The following SLC35F4 variants were observed in gnomAD, a reference collection of about 807,000 sequenced individuals.
The protein encoded by SLC35F4 is chromosome 14 open reading frame 36.
SLC35F4 carries 24 observed loss-of-function variants against 44.2 expected under a neutral mutation model. That is an observed-to-expected ratio of 0.54 (90% confidence interval 0.39 to 0.76). The LOEUF (loss-of-function observed/expected upper bound fraction) is 0.76. Among genes scored for constraint, SLC35F4 ranks in the 30% least tolerant of loss-of-function variants. SLC35F4 has a pLI of 0.00. For synonymous variants in SLC35F4, 238 were observed against 223.6 expected, an observed-to-expected ratio of 1.06 and a Z score of -0.57; for missense variants, 562 against 586.1, an observed-to-expected ratio of 0.96 and a Z score of 0.42.
At chr14:57,865,573 G>C in intron 1 of SLC35F4, 150 bp downstream of exon 1, 1 of 595,112 alleles carries the variant, frequency 1.7e-6, no homozygotes, top group South Asian at 2.2e-5. Context: ...TTCTCCCCGG[G>C]GGGTCCCCGC....
intron 2 of SLC35F4, among the ~76,000 whole-genome samples, chr14:57,592,204 A>G (rs2070233928): frequency 6.6e-6 from 1 of 152,228 alleles, no homozygotes; most frequent in Non-Finnish European, 1.5e-5. Flanking sequence ...GGCCACTGGA[A>G]TTTGGAAACG....
At chr14:57,764,728 G>C (rs577443054) in intron 1 of SLC35F4, among the ~76,000 whole-genome samples, 2 of 152,266 alleles carry the variant, frequency 1.3e-5, no homozygotes, top group East Asian at 3.9e-4. Context: ...CCTTGGTTTA[G>C]AGCAAGAAAA....
chr14:57,634,614 G>A (rs374320762), intron 1 of SLC35F4, among the ~76,000 whole-genome samples: 1 of 152,130 alleles, frequency 6.6e-6, no homozygotes, highest in Non-Finnish European at 1.5e-5. Context: ...AGATAAACCT[G>A]TAAAGGCAGG....
intron 1 of SLC35F4, among the ~76,000 whole-genome samples, chr14:57,861,956 G>A (rs1887715902): frequency 6.6e-6 from 1 of 152,038 alleles, no homozygotes; most frequent in Admixed American, 6.6e-5. Context: ...CCCAAGTACT[G>A]GCAAATCCTT....
intron 1 of SLC35F4, among the ~76,000 whole-genome samples, chr14:57,962,526 T>C (rs1890358030): frequency 6.6e-6 from 1 of 152,218 alleles, no homozygotes; most frequent in African/African-American, 2.4e-5. Flanking sequence ...GAAAGTCATC[T>C]AATCCTACAG....
intron 1 of SLC35F4, among the ~76,000 whole-genome samples, chr14:57,776,467 C>A (rs2077489864): frequency 6.6e-6 from 1 of 151,960 alleles, no homozygotes; most frequent in Non-Finnish European, 1.5e-5. Flanking sequence ...GAGATCAAGA[C>A]CATCCTGGTT....
chr14:57,661,743 G>A (rs545882556), intron 1 of SLC35F4, among the ~76,000 whole-genome samples: 1 of 152,294 alleles, frequency 6.6e-6, no homozygotes, highest in South Asian at 2.1e-4. Context: ...ACTTCAGCAA[G>A]CATCAGAATC....
chr14:57,669,240 T>A (rs1324735442), intron 1 of SLC35F4, among the ~76,000 whole-genome samples: 2 of 151,858 alleles, frequency 1.3e-5, no homozygotes, highest in African/African-American at 4.9e-5. Context: ...GCTGAGACAA[T>A]GGGGTTTTCT....
chr14:57,767,371 G>A (rs542954505), intron 1 of SLC35F4, among the ~76,000 whole-genome samples: 17 of 152,168 alleles, frequency 1.1e-4, no homozygotes, highest in South Asian at 1.0e-3. Flanking sequence ...AATTTTTTCT[G>A]ATCAAACTAG....
intron 1 of SLC35F4, 94 bp from the exon 2 acceptor site, chr14:57,594,218 C>G: frequency 5.0e-6 from 6 of 1,208,748 alleles, no homozygotes; most frequent in Non-Finnish European, 5.7e-6. Flanking sequence ...GAAACAGGGT[C>G]TCACTCTGTC....
intron 1 of SLC35F4, among the ~76,000 whole-genome samples, chr14:57,914,876 C>A (rs911235613): frequency 6.6e-6 from 1 of 152,070 alleles, no homozygotes; most frequent in African/African-American, 2.4e-5. Flanking sequence ...TCTAGGATCT[C>A]GGGGCAGCCC....
At chr14:57,761,804 A>T (rs2077131545) in intron 1 of SLC35F4, among the ~76,000 whole-genome samples, 1 of 152,174 alleles carries the variant, frequency 6.6e-6, no homozygotes, top group African/African-American at 2.4e-5. Flanking sequence ...ATACAATAAC[A>T]CAAATGTTGA....
chr14:57,800,728 T>C (rs918417525), intron 1 of SLC35F4, among the ~76,000 whole-genome samples: 7 of 151,812 alleles, frequency 4.6e-5, no homozygotes, highest in Admixed American at 2.6e-4. Flanking sequence ...CAATCACAAG[T>C]ATCAATAGTA....
chr14:57,964,081 G>T (rs1337875228), intron 1 of SLC35F4, among the ~76,000 whole-genome samples: 2 of 152,080 alleles, frequency 1.3e-5, no homozygotes, highest in Non-Finnish European at 1.5e-5. Flanking sequence ...AGCATTTATT[G>T]GGCAGGCAGA....
intron 4 of SLC35F4, among the ~76,000 whole-genome samples, chr14:57,578,086 A>G (rs2068926005): frequency 1.4e-5 from 2 of 145,838 alleles, no homozygotes; most frequent in Admixed American, 7.2e-5. Flanking sequence ...GGATAAACCC[A>G]TATTTATGAT....
intron 1 of SLC35F4, among the ~76,000 whole-genome samples, chr14:57,851,002 AG>A (rs2140985338): frequency 6.6e-6 from 1 of 152,302 alleles, no homozygotes; most frequent in Non-Finnish European, 1.5e-5. Context: ...CCTGCAAAAA[AG>A]CTAGTAGATC....
At chr14:57,659,763 C>T (rs761344477) in intron 1 of SLC35F4, among the ~76,000 whole-genome samples, 5 of 152,134 alleles carry the variant, frequency 3.3e-5, no homozygotes, top group South Asian at 4.1e-4. Flanking sequence ...TTAAAAATGA[C>T]GTGAGGACAA....
intron 3 of SLC35F4, among the ~76,000 whole-genome samples, chr14:57,587,407 A>C (rs915182781): frequency 1.3e-5 from 2 of 152,250 alleles, no homozygotes; most frequent in Non-Finnish European, 2.9e-5. Flanking sequence ...GATGAAGAAA[A>C]TGTGGCACAT....
At position 57,739,326 on chromosome 14, in the gene SLC35F4, C is replaced by T. The variant is rs141160608; in HGVS notation, c.103+126397G>A. ...GGCATTCAGGGAGTAGGAGGACCAA[C>T]GGCATATCAATGTTTAGCATTTGCT... is the stretch of plus-strand genomic sequence containing the variant. On this transcript the variant is annotated intron_variant, in intron 1 of 7. Transcript: ENST00000556826. Among the ~76,000 whole-genome samples the T allele has an allele frequency of 5.6e-4, 86 of 152,306 alleles. 2 individuals carry two copies. The highest frequency in any genetic ancestry group is 7.7e-4 in the East Asian group (4 of 5,182).
Sources: gnomAD v4.1 joint callset for allele counts (sites outside exome capture counted in the v4.1 genomes callset) on GRCh38, gnomAD v4.1.1 for gene constraint, MANE v1.5 for transcripts, NCBI Gene and HGNC (gene_info 2026-07-23, HGNC 2026-07-21) for gene names.